PLCH1: variants seen among roughly 807,000 people sequenced by gnomAD.
The protein encoded by PLCH1 is phospholipase C eta 1, also known as 1-phosphatidylinositol 4,5-bisphosphate phosphodiesterase eta-1.
In PLCH1, 60 loss-of-function variants were observed where a neutral mutation model predicts 126.7. The observed-to-expected ratio is 0.47, with a 90% confidence interval of 0.38 to 0.59. The LOEUF (loss-of-function observed/expected upper bound fraction) is 0.59. PLCH1 is among the 20% of genes least tolerant of loss of function. The pLI is 0.00. For missense variants in PLCH1, 1,723 were observed against 2,040.0 expected, an observed-to-expected ratio of 0.84 and a Z score of 2.99; for synonymous variants, 719 against 734.9, an observed-to-expected ratio of 0.98 and a Z score of 0.35.
chr3:155,619,714 C>T (rs80201951), intron 2 of PLCH1, among the ~76,000 whole-genome samples: 2,640 of 152,140 alleles, frequency 0.017, 39 homozygotes, highest in Non-Finnish European at 0.029. Flanking sequence ...CCTAAAGAAT[C>T]CAAGGGACTA....
intron 2 of PLCH1, among the ~76,000 whole-genome samples, chr3:155,679,089 T>C (rs1744308314): frequency 6.6e-6 from 1 of 152,192 alleles, no homozygotes; most frequent in African/African-American, 2.4e-5. Context: ...AGCCTCTTCC[T>C]TGATTCACTG....
At chr3:155,649,882 A>G (rs553312714) in intron 2 of PLCH1, among the ~76,000 whole-genome samples, 93 of 152,138 alleles carry the variant, frequency 6.1e-4, no homozygotes, top group South Asian at 3.5e-3. Context: ...GGAGGCTGAG[A>G]CAGGAGAATG....
chr3:155,730,991 C>T (rs1400589593), intron 1 of PLCH1, among the ~76,000 whole-genome samples: 1 of 152,196 alleles, frequency 6.6e-6, no homozygotes, highest in Non-Finnish European at 1.5e-5. Flanking sequence ...ATGGACTGAG[C>T]CTCCAGGCCT....
At chr3:155,475,350 G>A (rs550410814), downstream of PLCH1, among the ~76,000 whole-genome samples, 3 of 152,008 alleles carry the variant, frequency 2.0e-5, no homozygotes, top group East Asian at 3.9e-4. Flanking sequence ...AGAGCTATAA[G>A]TGCCTACATT....
Position 155,482,021 on chromosome 3 carries a change from A to G in PLCH1, c.4005T>C (p.Asp1335=). 1 of 1,614,030 alleles carries G rather than the reference A, an allele frequency of 6.2e-7. No individual in the cohort carries two copies. The highest frequency in any genetic ancestry group is 8.5e-7 in the Non-Finnish European group (1 of 1,179,968). The part of the protein sequence containing the change: ...PASSPDLTLE[D]VIADPTLCFN... ...AACAGAGAGTGGGATCAGCTATTACATCCTCCAGGGTCAAATCAGGGGAAG... is the reference window on the plus strand; with the variant it reads ...AACAGAGAGTGGGATCAGCTATTACGTCCTCCAGGGTCAAATCAGGGGAAG... Residue 1335 remains aspartate, a synonymous_variant, in exon 23 of 23, where the codon GAT becomes GAC. Transcript: ENST00000460012.
intron 21 of PLCH1, chr3:155,457,562 C>T (rs1287683126): frequency 1.3e-5 from 2 of 152,216 alleles, no homozygotes; most frequent in Non-Finnish European, 2.9e-5. Context: ...ACCAAGCTAG[C>T]TGCCCCTTTC....
At chr3:155,636,234 C>G (rs545224229) in intron 2 of PLCH1, among the ~76,000 whole-genome samples, 1 of 152,150 alleles carries the variant, frequency 6.6e-6, no homozygotes, top group African/African-American at 2.4e-5. Context: ...AGGCAGATAA[C>G]CTAGACTTCC....
intron 2 of PLCH1, among the ~76,000 whole-genome samples, chr3:155,596,670 CATTTGAT>C (rs1217496596): frequency 2.4e-4 from 36 of 151,604 alleles, no homozygotes; most frequent in African/African-American, 8.7e-4. Context: ...GACTTAAGAC[CATTTGAT>C]ACTTGGATTT....
intron 21 of PLCH1, among the ~76,000 whole-genome samples, chr3:155,472,111 A>T (rs561656016): frequency 1.3e-5 from 2 of 152,270 alleles, no homozygotes; most frequent in Admixed American, 1.3e-4. Flanking sequence ...GACACAAAAA[A>T]CCCTTCGAAA....
chr3:155,579,626 A>T (rs891507575), intron 6 of PLCH1, among the ~76,000 whole-genome samples: 1 of 152,178 alleles, frequency 6.6e-6, no homozygotes, highest in African/African-American at 2.4e-5. Context: ...GATAAGAGAA[A>T]CACATTATCA....
chr3:155,653,146 GATAT>G, intron 2 of PLCH1, among the ~76,000 whole-genome samples: 1 of 89,952 alleles, frequency 1.1e-5, no homozygotes, highest in East Asian at 8.1e-4. Context: ...TATAGATATA[GATAT>G]AGATATAGAT....
rs534324762 is a variant in PLCH1 at position 155,704,414 on chromosome 3, C to G, written c.-40-150G>C. 3.7e-4 allele frequency: 147 copies of G among 395,174 alleles called. 1 individual carries two copies. In the South Asian group the frequency reaches 4.7e-3, roughly 13 times the overall value. The allele number at this position is 395,174 out of a possible 1,614,324, so 24.5% of individuals were successfully genotyped here. A position where few individuals can be genotyped will look rare whatever the true frequency, so the allele number is the denominator to read the frequency against. ...ACATGGAGCTGGAATCCCCCAGGCC[C>G]TAAGAAATTTCTCACAAGTCTTCCC... On this transcript the variant is annotated intron_variant, in intron 1 of 22. Transcript: ENST00000460012.
chr3:155,471,238 C>G lies in PLCH1; in HGVS notation c.2938+14118G>C, dbSNP rs191325292. ...AATAAAAGGATGGAGGAAGACCTAC[C>G]AAGCAAATGGAAAACAAAAAAAGGC... On this transcript the variant is annotated intron_variant, in intron 21 of 21. Coordinates refer to the PLCH1 transcript ENST00000494598. Among the ~76,000 whole-genome samples, 318 of 152,216 alleles carry G rather than the reference C, an allele frequency of 2.1e-3. 3 individuals are homozygous for G. Among genetic ancestry groups the G allele is most frequent in the Non-Finnish European group, 2.1e-3 (142 of 68,008 alleles).
chr3:155,477,944 C>A (rs1388322204), downstream of PLCH1, among the ~76,000 whole-genome samples: 1 of 152,138 alleles, frequency 6.6e-6, no homozygotes, highest in Non-Finnish European at 1.5e-5. Flanking sequence ...GATCTCTGCA[C>A]TCCTATGTGT....
At chr3:155,477,031 T>C (rs536575639), downstream of PLCH1, among the ~76,000 whole-genome samples, 1 of 152,170 alleles carries the variant, frequency 6.6e-6, no homozygotes, top group South Asian at 2.1e-4. Flanking sequence ...CAAAACAGCA[T>C]GGTACTGGCA....
chr3:155,523,488 C>T (rs181312869), intron 11 of PLCH1, among the ~76,000 whole-genome samples: 1 of 150,316 alleles, frequency 6.7e-6, no homozygotes, highest in East Asian at 2.0e-4. Context: ...AGCAGGTCCA[C>T]GTGCAGGTGG....
At chr3:155,589,965 T>C (rs1281787647) in intron 4 of PLCH1, among the ~76,000 whole-genome samples, 3 of 152,138 alleles carry the variant, frequency 2.0e-5, no homozygotes, top group Non-Finnish European at 4.4e-5. Flanking sequence ...TTCATCCAAA[T>C]TTGCATAGCA....
chr3:155,593,639 G>A (rs747616948), intron 4 of PLCH1, among the ~76,000 whole-genome samples: 1 of 152,130 alleles, frequency 6.6e-6, no homozygotes, highest in Non-Finnish European at 1.5e-5. Context: ...GATACTTAAT[G>A]GGCACTTTCC....
Position 155,483,035 on chromosome 3 carries a change from G to A in PLCH1, c.2991C>T (p.Gly997=). 1 of 1,612,968 alleles carries A rather than the reference G, an allele frequency of 6.2e-7. No homozygotes were observed. The highest frequency in any genetic ancestry group is 8.5e-7 in the Non-Finnish European group (1 of 1,179,574). The stretch of plus-strand genomic sequence containing the variant: ...TTATACTTGCTTTCCCTTTTCTTCT[G>A]CCATCTTTATCTTCTGCTGAAGGAG... ...KENSLAEDKD[G]RRKGKASIKD... The change falls in exon 23 of 23, where the codon GGC becomes GGT. Residue 997 remains glycine (G), a synonymous_variant. Transcript: ENST00000460012.
Sources: allele counts gnomAD v4.1 joint callset (sites outside exome capture counted in the v4.1 genomes callset), GRCh38; gene constraint gnomAD v4.1.1; transcripts MANE v1.5; gene names NCBI Gene and HGNC (gene_info 2026-07-23, HGNC 2026-07-21).